GREB1L: variants seen among roughly 807,000 people sequenced by gnomAD.
GREB1L encodes the protein GREB1 like retinoic acid receptor coactivator.
GREB1L carries 17 observed loss-of-function variants against 200.8 expected under a neutral mutation model. That is an observed-to-expected ratio of 0.08 (90% CI 0.06 to 0.13). GREB1L has a LOEUF of 0.13. Ranked by LOEUF, GREB1L falls within the 10% of genes least tolerant of loss-of-function variation. The pLI, the probability that GREB1L is intolerant of heterozygous loss-of-function variation, is 1.00. For missense variants in GREB1L, 1,657 were observed against 2,367.7 expected, an observed-to-expected ratio of 0.70 and a Z score of 6.23; for synonymous variants, 789 against 893.0, an observed-to-expected ratio of 0.88 and a Z score of 2.08.
intron 22 of GREB1L, 31 bp from the exon 23 acceptor site, chr18:21,500,509 A>G (rs1192711868): frequency 6.9e-7 from 1 of 1,440,550 alleles, no homozygotes; most frequent in Admixed American, 2.0e-5. Context: ...TCCCGCCTCC[A>G]CTCCTCCCCA....
chr18:21,428,196 C>CAAAAA (rs60750456), intron 7 of GREB1L, among the ~76,000 whole-genome samples: 13 of 48,168 alleles, frequency 2.7e-4, no homozygotes, highest in Non-Finnish European at 3.8e-4. Flanking sequence ...GACTCCGTCT[C>CAAAAA]AAAAAAAAAA....
At chr18:21,250,456 G>C (rs1282108233) in intron 1 of GREB1L, among the ~76,000 whole-genome samples, 1 of 152,198 alleles carries the variant, frequency 6.6e-6, no homozygotes, top group African/African-American at 2.4e-5. Flanking sequence ...ATAGTCTGAG[G>C]ATGAATGTGC....
intron 4 of GREB1L, chr18:21,387,562 C>A (rs769261886): frequency 6.6e-6 from 1 of 152,172 alleles, no homozygotes; most frequent in East Asian, 1.9e-4. Flanking sequence ...CCTTAGGATA[C>A]TCTTAACCAG....
At chr18:21,470,867 G>A (rs6508435) in intron 15 of GREB1L, among the ~76,000 whole-genome samples, 44,858 of 151,832 alleles carry the variant, frequency 0.3, 8,724 homozygotes, top group African/African-American at 0.52. Flanking sequence ...TCCAAAATAA[G>A]TATCTATCAC....
At chr18:21,417,980 C>CA (rs370649676) in intron 7 of GREB1L, among the ~76,000 whole-genome samples, 463 of 80,012 alleles carry the variant, frequency 5.8e-3, no homozygotes, top group Middle Eastern at 0.042. Flanking sequence ...GACTCCATCT[C>CA]AAAAAAAAAA....
At chr18:21,470,847 T>C (rs2035455331) in intron 15 of GREB1L, among the ~76,000 whole-genome samples, 1 of 152,176 alleles carries the variant, frequency 6.6e-6, no homozygotes, top group South Asian at 2.1e-4. Flanking sequence ...TCTCTATACT[T>C]TCCAGTTTTT....
At chr18:21,285,178 T>A (rs964559843) in intron 1 of GREB1L, among the ~76,000 whole-genome samples, 26 of 152,158 alleles carry the variant, frequency 1.7e-4, no homozygotes, top group Non-Finnish European at 3.5e-4. Context: ...TTTATCATTT[T>A]AAAAATTTTC....
At chr18:21,243,956 T>A (rs1056541402) in intron 1 of GREB1L, among the ~76,000 whole-genome samples, 1 of 152,200 alleles carries the variant, frequency 6.6e-6, no homozygotes, top group Non-Finnish European at 1.5e-5. Context: ...GTATATTTTT[T>A]GTATATCTTT....
At position 21,497,977 on chromosome 18, in the gene GREB1L, G is replaced by A. The variant is rs1217628455; in HGVS notation, c.3391+1279G>A. ...GCTGGGATTACAGGCACCCGCCACC[G>A]CACCAAGCTAACTTTTGTATTTTTA... On this transcript the variant is annotated intron_variant, in intron 21 of 32. Transcript: ENST00000424526. Among the ~76,000 whole-genome samples, 8 of 151,460 alleles carry A rather than the reference G, an allele frequency of 5.3e-5. No homozygotes were observed. The East Asian group carries it at 5.9e-4, about 11-fold the overall frequency.
chr18:21,347,931 TA>T (rs2039374400), intron 1 of GREB1L, among the ~76,000 whole-genome samples: 1 of 126,388 alleles, frequency 7.9e-6, no homozygotes, highest in Non-Finnish European at 1.6e-5. Flanking sequence ...CACACTCGGC[TA>T]ATTTTTTTTT....
At chr18:21,253,137 C>G (rs1268009430) in intron 1 of GREB1L, among the ~76,000 whole-genome samples, 1 of 152,074 alleles carries the variant, frequency 6.6e-6, no homozygotes, top group Non-Finnish European at 1.5e-5. Context: ...GTTTACTTGA[C>G]TTGCCCAAGA....
intron 1 of GREB1L, among the ~76,000 whole-genome samples, chr18:21,259,798 CTTAAG>C (rs2037860940): frequency 6.6e-6 from 1 of 151,666 alleles, no homozygotes; most frequent in Admixed American, 6.6e-5. Context: ...TGGTATGATC[CTTAAG>C]TTGTTAGTGA....
intron 7 of GREB1L, among the ~76,000 whole-genome samples, chr18:21,419,214 A>G (rs1355081403): frequency 1.3e-5 from 2 of 152,186 alleles, no homozygotes; most frequent in African/African-American, 4.8e-5. Context: ...GAAGGACAAA[A>G]TTGCCTAATG....
intron 11 of GREB1L, among the ~76,000 whole-genome samples, chr18:21,446,475 A>G (rs1292560293): frequency 1.3e-5 from 2 of 152,252 alleles, no homozygotes; most frequent in South Asian, 2.1e-4. Flanking sequence ...AACAATTTCA[A>G]TTTAATTACA....
chr18:21,363,293 C>T (rs1486137033), intron 1 of GREB1L, among the ~76,000 whole-genome samples: 1 of 106,908 alleles, frequency 9.4e-6, no homozygotes. Flanking sequence ...CCCCGCCCCC[C>T]CCCCCCCACA....
At chr18:21,344,379 C>T (rs1355261649) in intron 1 of GREB1L, among the ~76,000 whole-genome samples, 3 of 148,234 alleles carry the variant, frequency 2.0e-5, no homozygotes, top group Non-Finnish European at 3.0e-5. Flanking sequence ...CCAGCCTGGG[C>T]GACAGAGCAA....
intron 11 of GREB1L, among the ~76,000 whole-genome samples, chr18:21,446,473 C>T (rs1321685736): frequency 6.6e-6 from 1 of 152,194 alleles, no homozygotes; most frequent in Non-Finnish European, 1.5e-5. Flanking sequence ...GAAACAATTT[C>T]AATTTAATTA....
At chr18:21,434,198 G>A (rs1331071366) in intron 7 of GREB1L, among the ~76,000 whole-genome samples, 1 of 152,044 alleles carries the variant, frequency 6.6e-6, no homozygotes, top group African/African-American at 2.4e-5. Flanking sequence ...TTTGAGGCTG[G>A]GCATGGTGGC....
At chr18:21,498,868 A>G (rs2036660692) in intron 21 of GREB1L, among the ~76,000 whole-genome samples, 1 of 152,224 alleles carries the variant, frequency 6.6e-6, no homozygotes, top group Non-Finnish European at 1.5e-5. Context: ...CTGTTCATTC[A>G]GGATCTCCCA....
Sources: allele counts gnomAD v4.1 joint callset (sites outside exome capture counted in the v4.1 genomes callset), GRCh38; gene constraint gnomAD v4.1.1; transcripts MANE v1.5; gene names NCBI Gene and HGNC (gene_info 2026-07-23, HGNC 2026-07-21).